The following HSD3B1 variants were observed in gnomAD, a reference collection of about 807,000 sequenced individuals.
HSD3B1 encodes hydroxy-delta-5-steroid dehydrogenase, 3 beta- and steroid delta-isomerase 1, also known as 3 beta-hydroxysteroid dehydrogenase/Delta 5-->4-isomerase type 1.
In HSD3B1, 11 loss-of-function variants were observed where a neutral mutation model predicts 10.4. The ratio of observed to expected loss-of-function variants is 1.05; its 90% CI spans 0.66 to 1.75. The LOEUF is 1.75. HSD3B1 is among the 40% of genes most tolerant of loss of function. The pLI is 0.00. For synonymous variants in HSD3B1, 217 were observed against 185.4 expected (o/e 1.17, Z -1.39); for missense variants, 490 against 454.5 (o/e 1.08, Z -0.71).
At position 119,510,712 on chromosome 1, in the gene HSD3B1, GTTTTCTTTTTTTTTTT is replaced by G. The variant is rs1351295987; in HGVS notation, c.146-786_146-771del. On this transcript the variant is annotated intron_variant, in intron 2 of 3. Transcript: ENST00000369413. ...TCCTTTTTTTGTTGTTGCTTGTGTG[GTTTTCTTTTTTTTTTT>G]TTTTTTTTTTTTTTTTTTTTTTTTT... Among the ~76,000 whole-genome samples the G allele has an allele frequency of 1.1e-3, 43 of 39,100 alleles. 3 individuals carry two copies. Among genetic ancestry groups the G allele is most frequent in the South Asian group, 0.01 (9 of 874 alleles). 25.7% of individuals were successfully genotyped at this position (39,100 alleles called of 152,430 possible). A position where few individuals can be genotyped will look rare whatever the true frequency, so the allele number is the denominator to read the frequency against.
rs1570882195 is a variant in HSD3B1, at chr1:119,514,234, G to C, written c.711G>C (p.Leu237Phe). Residue 237 changes from leucine (L) to phenylalanine (F), a missense_variant, in exon 4 of 4, where the codon TTG becomes TTC. Coordinates refer to ENST00000369413, the MANE Select transcript of HSD3B1 (RefSeq NM_000862.3). ...TGGCCTGGGCCCACATTCTGGCCTT[G>C]AGGGCCCTGCAGGACCCCAAGAAGG... ...GNVAWAHILA[L>F]RALQDPKKAP... is the part of the protein sequence containing the mutation. 2 of 1,614,084 alleles carry C rather than the reference G, an allele frequency of 1.2e-6. No individual in the cohort carries two copies. The highest frequency in any genetic ancestry group is 2.2e-5 in the East Asian group (1 of 44,840).
chr1:119,510,686 T>C (rs192552431), intron 2 of HSD3B1, among the ~76,000 whole-genome samples: 1 of 150,928 alleles, frequency 6.6e-6, no homozygotes, highest in Non-Finnish European at 1.5e-5. Flanking sequence ...CCTGCTTTTG[T>C]TCCTTTTTTT....
chr1:119,513,999 A>G lies in HSD3B1; in HGVS notation c.476A>G (p.Lys159Arg), dbSNP rs1014856685. The change falls in exon 4 of 4, where the codon AAA becomes AGA. Residue 159 changes from lysine to arginine, a missense_variant. Transcript: ENST00000369413. ...TGGCCCGCTCCATACCCACACAGCA[A>G]AAAGCTTGCTGAGAAGGCTGTACTG... is the stretch of plus-strand genomic sequence containing the variant. ...NTWPAPYPHS[K>R]KLAEKAVLAA... 6 of 1,614,026 alleles carry G rather than the reference A, an allele frequency of 3.7e-6. No individual in the cohort carries two copies. The highest frequency in any genetic ancestry group is 5.1e-6 in the Non-Finnish European group (6 of 1,180,004).
At position 119,514,225 on chromosome 1, in the gene HSD3B1, T is replaced by C. The variant is rs765024759; in HGVS notation, c.702T>C (p.Ile234=). The change falls in exon 4 of 4, where the codon ATT becomes ATC. Residue 234 remains isoleucine (I), a synonymous_variant. Transcript: ENST00000369413. ...TTGGCAATGTGGCCTGGGCCCACAT[T>C]CTGGCCTTGAGGGCCCTGCAGGACC... is the stretch of plus-strand genomic sequence containing the variant. The part of the protein sequence containing the change: ...VYVGNVAWAH[I]LALRALQDPK... 1.2e-6 allele frequency: 2 copies of C among 1,614,122 alleles called. No individual in the cohort carries two copies. The highest frequency in any genetic ancestry group is 1.7e-6 in the Non-Finnish European group (2 of 1,180,014).
At chr1:119,509,686 G>C (rs1397006869) in intron 2 of HSD3B1, among the ~76,000 whole-genome samples, 1 of 152,150 alleles carries the variant, frequency 6.6e-6, no homozygotes, top group South Asian at 2.1e-4. Flanking sequence ...CCTGACAACG[G>C]GAAGAGGTTG....
chr1:119,514,933 G>A lies in HSD3B1; in HGVS notation c.*288G>A, dbSNP rs1654066214. 2.4e-6 allele frequency: 1 copy of A among 420,874 alleles called. No homozygotes were observed. Among genetic ancestry groups the A allele is most frequent in the Non-Finnish European group, 4.2e-6 (1 of 235,654 alleles). 26.1% of individuals were successfully genotyped at this position (420,874 alleles called of 1,614,324 possible). On this transcript the variant is annotated 3_prime_UTR_variant, in exon 4 of 4. Coordinates refer to ENST00000369413, the MANE Select transcript of HSD3B1 (RefSeq NM_000862.3). Reference sequence around the variant, plus strand: ...CAATTTAGGGACTCTTTTAACTTGAGGGTCGTTTTGACTACTAGAGCTCCA... The same window carrying A: ...CAATTTAGGGACTCTTTTAACTTGAAGGTCGTTTTGACTACTAGAGCTCCA...
At chr1:119,511,378 G>T (rs1653932306) in intron 2 of HSD3B1, 125 bp from the exon 3 acceptor site, 2 of 856,050 alleles carry the variant, frequency 2.3e-6, no homozygotes, top group Non-Finnish European at 1.9e-6. Flanking sequence ...TCCGTAGAAT[G>T]TACACCCTCC....
chr1:119,514,825 A>G lies in HSD3B1; in HGVS notation c.*180A>G, dbSNP rs1654063295. 8 of 687,954 alleles carry G rather than the reference A, an allele frequency of 1.2e-5. No homozygotes were observed. Among genetic ancestry groups the G allele is most frequent in the South Asian group, 9.0e-5 (5 of 55,260 alleles). The allele number at this position is 687,954 out of a possible 1,614,324, so 42.6% of individuals were successfully genotyped here. ...CAAAACCTGCGCAGTCATTGGCCCA[A>G]CAAGAAGGTTTCTGTCCTAATCATA... On this transcript the variant is annotated 3_prime_UTR_variant, in exon 4 of 4. Coordinates refer to ENST00000369413, the MANE Select transcript of HSD3B1 (RefSeq NM_000862.3).
rs1362204182 is a variant in HSD3B1, at chr1:119,513,844, C to A, written c.321C>A (p.Leu107=). Residue 107 remains leucine, a synonymous_variant, in exon 4 of 4, where the codon CTC becomes CTA. Transcript: ENST00000369413. ...GCTCTTCATGGACAGGTACCCAGCT[C>A]CTGTTAGAGGCCTGTGTCCAAGCTA... ...IMNVNVKGTQ[L]LLEACVQASV... 1.2e-6 allele frequency: 2 copies of A among 1,613,750 alleles called. No homozygotes were observed. The highest frequency in any genetic ancestry group is 8.5e-7 in the Non-Finnish European group (1 of 1,179,782).
Position 119,507,399 on chromosome 1 carries a change from C to T in HSD3B1, c.-78C>T. The T allele has an allele frequency of 1.4e-6, 2 of 1,474,698 alleles. No homozygotes were observed. Among genetic ancestry groups the T allele is most frequent in the Non-Finnish European group, 1.9e-6 (2 of 1,056,546 alleles). The allele number at this position is 1,474,698 out of a possible 1,614,324, so 91.4% of individuals were successfully genotyped here. A position where few individuals can be genotyped will look rare whatever the true frequency, so the allele number is the denominator to read the frequency against. ...TTTGACATCTCTTTTTAGCCCTCTCCAGGGTCACCCTAGAATCAGATCTGC... is the reference window on the plus strand; with the variant it reads ...TTTGACATCTCTTTTTAGCCCTCTCTAGGGTCACCCTAGAATCAGATCTGC... On this transcript the variant is annotated 5_prime_UTR_variant, in exon 2 of 4. Transcript: ENST00000369413.
At position 119,514,458 on chromosome 1, in the gene HSD3B1, G is replaced by T; in HGVS notation, c.935G>T (p.Arg312Leu). 1 of 1,613,942 alleles carries T rather than the reference G, an allele frequency of 6.2e-7. No individual in the cohort carries two copies. Among genetic ancestry groups the T allele is most frequent in the Non-Finnish European group, 8.5e-7 (1 of 1,179,980 alleles). Residue 312 changes from arginine (R) to leucine (L), a missense_variant, in exon 4 of 4, where the codon CGA becomes CTA. Physicochemically the swap from Arg to Leu is moderately radical, Grantham distance 102. Transcript: ENST00000369413. ...SFLLRPIYTY[R>L]PPFNRHIVTL... ...CTACTCAGGCCAATTTACACCTATCGACCGCCCTTCAACCGCCACATAGTC... is the reference window on the plus strand; with the variant it reads ...CTACTCAGGCCAATTTACACCTATCTACCGCCCTTCAACCGCCACATAGTC...
At chr1:119,513,752 G>A (rs910737185) in intron 3 of HSD3B1, 82 bp from the exon 4 acceptor site, 3 of 1,287,736 alleles carry the variant, frequency 2.3e-6, no homozygotes, top group Non-Finnish European at 3.3e-6. Flanking sequence ...GGGAGTGGGG[G>A]GTGGGGCACA....
In HSD3B1 at chr1:119,514,747, T is replaced by A; in HGVS notation, c.*102T>A. ...AAAGTGACAAGGGCACAAGCTCAGG[T>A]CCTGCTGCCTCCCTTTCATACAATG... On this transcript the variant is annotated 3_prime_UTR_variant, in exon 4 of 4. Coordinates refer to ENST00000369413, the MANE Select transcript of HSD3B1 (RefSeq NM_000862.3). 1 of 1,282,290 alleles carries A rather than the reference T, an allele frequency of 7.8e-7. No individual in the cohort carries two copies. Among genetic ancestry groups the A allele is most frequent in the Non-Finnish European group, 1.1e-6 (1 of 903,082 alleles). 79.4% of individuals were successfully genotyped at this position (1,282,290 alleles called of 1,614,324 possible).
chr1:119,510,630 G>A (rs1039287700), intron 2 of HSD3B1, among the ~76,000 whole-genome samples: 15 of 146,702 alleles, frequency 1.0e-4, no homozygotes, highest in African/African-American at 3.5e-4. Flanking sequence ...CCCTATACCA[G>A]TCCATTTTAT....
intron 2 of HSD3B1, among the ~76,000 whole-genome samples, chr1:119,510,183 A>T (rs1328531774): frequency 1.5e-4 from 23 of 152,218 alleles, no homozygotes; most frequent in Admixed American, 1.5e-3. Context: ...TGACAACCTT[A>T]CTGGCAGCGT....
rs1653935300 is a variant in HSD3B1 at position 119,511,487 on chromosome 1, A to C, written c.146-16A>C. ...ATACAGAAATCATTCCAATGACCTG[A>C]CCTGTGTTCACACAGAACTCCAGAA... On this transcript the variant is annotated splice_polypyrimidine_tract_variant and intron_variant, in intron 2 of 3. Transcript: ENST00000369413. 6.2e-7 allele frequency: 1 copy of C among 1,613,122 alleles called. No homozygotes were observed. The highest frequency in any genetic ancestry group is 1.3e-5 in the African/African-American group (1 of 74,892).
At chr1:119,508,031 C>T (rs751979079) in intron 2 of HSD3B1, 5 of 177,600 alleles carry the variant, frequency 2.8e-5, no homozygotes, top group Non-Finnish European at 6.0e-5. Context: ...CTCTCTAGAA[C>T]GTGCCAGGCT....
chr1:119,511,863 G>C (rs1247973863), intron 3 of HSD3B1, 196 bp downstream of exon 3: 1 of 580,246 alleles, frequency 1.7e-6, no homozygotes, highest in Non-Finnish European at 3.1e-6. Context: ...CTGAGAGAGG[G>C]CAAGTAACTT....
chr1:119,511,263 C>T (rs1051291735), intron 2 of HSD3B1, among the ~76,000 whole-genome samples: 1 of 152,236 alleles, frequency 6.6e-6, no homozygotes, highest in Non-Finnish European at 1.5e-5. Flanking sequence ...TGACAGCTCA[C>T]TGCTCAGATT....
Sources: gnomAD v4.1 joint callset for allele counts (sites outside exome capture counted in the v4.1 genomes callset) on GRCh38, gnomAD v4.1.1 for gene constraint, MANE v1.5 for transcripts, NCBI Gene and HGNC (gene_info 2026-07-23, HGNC 2026-07-21) for gene names.